BCL2: variants seen among roughly 807,000 people sequenced by gnomAD.
BCL2 encodes the protein apoptosis regulator Bcl-2.
BCL2 carries 1 observed loss-of-function variant against 14.2 expected under a neutral mutation model. The ratio of observed to expected loss-of-function variants is 0.07; its 90% CI spans 0.02 to 0.33. BCL2 has a LOEUF of 0.33. Among genes scored for constraint, BCL2 ranks in the 10% least tolerant of loss-of-function variants. BCL2 has a pLI of 0.99. For missense variants in BCL2, 247 were observed against 305.9 expected, an observed-to-expected ratio of 0.81 and a Z score of 1.44; for synonymous variants, 151 against 137.2, an observed-to-expected ratio of 1.10 and a Z score of -0.70.
At chr18:63,180,853 C>T (rs1915466461) in intron 2 of BCL2, among the ~76,000 whole-genome samples, 1 of 152,174 alleles carries the variant, frequency 6.6e-6, no homozygotes, top group Non-Finnish European at 1.5e-5. Flanking sequence ...ATTATAGTTA[C>T]AGCAAAAACA....
At chr18:63,266,656 C>CACAAAAAA (rs768525120) in intron 2 of BCL2, among the ~76,000 whole-genome samples, 33 of 150,432 alleles carry the variant, frequency 2.2e-4, no homozygotes, top group African/African-American at 7.3e-4. Context: ...CACACACACA[C>CACAAAAAA]AAAAATATAT....
In BCL2 at chr18:63,180,768, C is replaced by T. The variant is rs116624086; in HGVS notation, c.586-52009G>A. Among the ~76,000 whole-genome samples, 755 of 152,340 alleles carry T rather than the reference C, an allele frequency of 5.0e-3. 7 individuals are homozygous for T. The highest frequency in any genetic ancestry group is 0.017 in the African/African-American group (725 of 41,572). ...ATGGGGCTCTCCATCATCAAGGTCCCTTAGCCCTCCAGCTCCCGGGCCTCT... is the reference window on the plus strand; with the variant it reads ...ATGGGGCTCTCCATCATCAAGGTCCTTTAGCCCTCCAGCTCCCGGGCCTCT... On this transcript the variant is annotated intron_variant, in intron 2 of 2. Coordinates refer to ENST00000333681, the MANE Select transcript of BCL2 (RefSeq NM_000633.3).
intron 2 of BCL2, among the ~76,000 whole-genome samples, chr18:63,182,778 T>C (rs1915508734): frequency 6.6e-6 from 1 of 152,238 alleles, no homozygotes; most frequent in Admixed American, 6.5e-5. Context: ...AGAGTTCTGC[T>C]TTGCACTAAT....
rs115414473 is a variant in BCL2 at position 63,131,703 on chromosome 18, A to T, written c.586-2944T>A. 4.3e-3 allele frequency among the ~76,000 whole-genome samples: 650 copies of T among 152,366 alleles called. 1 individual carries two copies. The highest frequency in any genetic ancestry group is 0.015 in the African/African-American group (622 of 41,592). ...AATAGGTTGTCTGCAATTTGGCTTG[A>T]CATTGAGAAGGTCAGTGGCCGGGCT... On this transcript the variant is annotated intron_variant, in intron 2 of 2. Coordinates refer to ENST00000333681, the MANE Select transcript of BCL2 (RefSeq NM_000633.3).
intron 2 of BCL2, among the ~76,000 whole-genome samples, chr18:63,293,333 G>T (rs1052158080): frequency 6.6e-6 from 1 of 152,270 alleles, no homozygotes; most frequent in Middle Eastern, 3.4e-3. Flanking sequence ...CTTTTTTGGG[G>T]CTGTGAAGGG....
chr18:63,187,351 G>A (rs1223022291), intron 2 of BCL2, among the ~76,000 whole-genome samples: 2 of 152,212 alleles, frequency 1.3e-5, no homozygotes, highest in Non-Finnish European at 2.9e-5. Context: ...ATTCAAGAGA[G>A]GTCAGATGCT....
chr18:63,180,290 G>A (rs1915452783), intron 2 of BCL2, among the ~76,000 whole-genome samples: 1 of 152,252 alleles, frequency 6.6e-6, no homozygotes, highest in Admixed American at 6.5e-5. Flanking sequence ...GCCAAATGGG[G>A]AAGAGCAGGG....
intron 2 of BCL2, among the ~76,000 whole-genome samples, chr18:63,245,827 C>G (rs726510): frequency 0.82 from 124,781 of 152,174 alleles, 52,522 homozygotes; most frequent in Non-Finnish European, 0.92. Context: ...CAAAATAAAA[C>G]TTTTTAAAGT....
intron 2 of BCL2, among the ~76,000 whole-genome samples, chr18:63,310,803 T>G (rs966497384): frequency 6.6e-6 from 1 of 152,226 alleles, no homozygotes; most frequent in Non-Finnish European, 1.5e-5. Context: ...AATTAGGACT[T>G]CTTCAAATCA....
At chr18:63,317,632 C>T (rs551453374) in intron 2 of BCL2, 6 of 1,011,554 alleles carry the variant, frequency 5.9e-6, no homozygotes, top group Non-Finnish European at 7.1e-6. Context: ...TAGTGTACAA[C>T]GGGCTTGTTT....
At chr18:63,251,451 G>A (rs1195599542) in intron 2 of BCL2, among the ~76,000 whole-genome samples, 3 of 151,748 alleles carry the variant, frequency 2.0e-5, no homozygotes, top group Non-Finnish European at 2.9e-5. Flanking sequence ...AGACCATCCC[G>A]GCTAACACGG....
chr18:63,209,233 C>T (rs1293667174), intron 2 of BCL2, among the ~76,000 whole-genome samples: 4 of 152,098 alleles, frequency 2.6e-5, no homozygotes, highest in Non-Finnish European at 4.4e-5. Flanking sequence ...GTGAATTGAT[C>T]GAGGGGCCGT....
intron 2 of BCL2, among the ~76,000 whole-genome samples, chr18:63,182,325 G>C (rs1047579231): frequency 3.9e-5 from 6 of 152,212 alleles, no homozygotes. Flanking sequence ...TCAGGCTGAA[G>C]AGGGTCTGGC....
intron 2 of BCL2, among the ~76,000 whole-genome samples, chr18:63,305,567 A>C (rs1913100776): frequency 6.6e-6 from 1 of 152,074 alleles, no homozygotes; most frequent in African/African-American, 2.4e-5. Flanking sequence ...ATTTTTTTTT[A>C]GAAACTTTAA....
At chr18:63,255,266 G>A (rs1300689160) in intron 2 of BCL2, among the ~76,000 whole-genome samples, 1 of 152,096 alleles carries the variant, frequency 6.6e-6, no homozygotes, top group East Asian at 1.9e-4. Flanking sequence ...CAATAAAATG[G>A]GATGACAGTG....
intron 2 of BCL2, among the ~76,000 whole-genome samples, chr18:63,289,340 G>T (rs892118863): frequency 6.6e-6 from 1 of 152,206 alleles, no homozygotes. Flanking sequence ...TCCCAACAGG[G>T]ATACTGTCAT....
intron 2 of BCL2, among the ~76,000 whole-genome samples, chr18:63,285,869 T>C (rs1912457136): frequency 6.6e-6 from 1 of 152,214 alleles, no homozygotes; most frequent in African/African-American, 2.4e-5. Context: ...TGTTGGCAAC[T>C]TAAATTTGAC....
intron 2 of BCL2, among the ~76,000 whole-genome samples, chr18:63,164,995 G>A (rs1192476771): frequency 9.2e-5 from 14 of 152,098 alleles, no homozygotes; most frequent in Admixed American, 7.9e-4. Flanking sequence ...TTGGTGCAGC[G>A]CACCAGCATG....
Position 63,237,630 on chromosome 18 carries a change from A to G in BCL2, c.585+80452T>C, listed in dbSNP as rs4987766. Among the ~76,000 whole-genome samples, 1,138 of 152,278 alleles carry G rather than the reference A, an allele frequency of 7.5e-3. 9 individuals are homozygous for G. Among genetic ancestry groups the G allele is most frequent in the Non-Finnish European group, 0.011 (774 of 68,020 alleles). On this transcript the variant is annotated intron_variant, in intron 2 of 2. Transcript: ENST00000333681. ...CATCCCTCAGGCTAGTTTTCACCCA[A>G]TCCCTAGCCTCCTCACACCTTTCCT... is the stretch of plus-strand genomic sequence containing the variant.
Sources: allele counts gnomAD v4.1 joint callset (sites outside exome capture counted in the v4.1 genomes callset), GRCh38; gene constraint gnomAD v4.1.1; transcripts MANE v1.5; gene names NCBI Gene and HGNC (gene_info 2026-07-23, HGNC 2026-07-21).